PHTF2: variants seen among roughly 807,000 people sequenced by gnomAD.
PHTF2 encodes putative homeodomain transcription factor 2, also known as protein PHTF2.
Under a neutral mutation model 101.2 loss-of-function variants are expected in PHTF2, and 60 were observed. The observed-to-expected ratio is 0.59, with a 90% confidence interval of 0.48 to 0.73. The LOEUF (loss-of-function observed/expected upper bound fraction) is 0.73, where lower values mean the gene tolerates loss of function less well. Among genes scored for constraint, PHTF2 ranks in the 30% least tolerant of loss-of-function variants. The pLI, the probability that PHTF2 is intolerant of heterozygous loss-of-function variation, is 0.00. For missense variants in PHTF2, 747 were observed against 908.7 expected (o/e 0.82, Z 2.29); for synonymous variants, 311 against 307.3 (o/e 1.01, Z -0.13).
chr7:77,893,826 T>C (rs1341402100), intron 4 of PHTF2, among the ~76,000 whole-genome samples, 156 bp from the exon 4 acceptor site: 1 of 152,198 alleles, frequency 6.6e-6, no homozygotes, highest in Non-Finnish European at 1.5e-5. Context: ...TCACGTTTAC[T>C]CCTGATGTTG....
chr7:77,909,012 G>A (rs1050061728), intron 8 of PHTF2, 54 bp downstream of exon 7: 9 of 1,257,704 alleles, frequency 7.2e-6, no homozygotes, highest in Admixed American at 6.3e-5. Flanking sequence ...TTGAATCTAC[G>A]ATTGTTCTTG....
intron 12 of PHTF2, among the ~76,000 whole-genome samples, chr7:77,931,587 A>G (rs1804570501): frequency 1.3e-5 from 2 of 152,238 alleles, no homozygotes; most frequent in African/African-American, 4.8e-5. Flanking sequence ...TGTTGGCAAG[A>G]ATGTGAAGAG....
intron 1 of PHTF2, among the ~76,000 whole-genome samples, chr7:77,808,448 T>G (rs1793161502): frequency 6.6e-6 from 1 of 152,244 alleles, no homozygotes; most frequent in South Asian, 2.1e-4. Context: ...ATGAATTATA[T>G]TTTCCTGTTT....
intron 12 of PHTF2, among the ~76,000 whole-genome samples, chr7:77,933,530 G>A (rs1055153571): frequency 2.6e-5 from 4 of 152,174 alleles, no homozygotes; most frequent in Non-Finnish European, 5.9e-5. Context: ...TGTGGGAGTA[G>A]CGTCCTTGGG....
intron 3 of PHTF2, among the ~76,000 whole-genome samples, chr7:77,881,452 T>G (rs1389531838): frequency 6.6e-5 from 10 of 152,054 alleles, no homozygotes; most frequent in Admixed American, 6.5e-4. Flanking sequence ...CCAGATTTTG[T>G]ACCTTCCCAA....
intron 3 of PHTF2, among the ~76,000 whole-genome samples, chr7:77,892,866 T>C (rs755076786): frequency 6.6e-6 from 1 of 152,244 alleles, no homozygotes; most frequent in Non-Finnish European, 1.5e-5. Context: ...TTCACAACTT[T>C]GTTTTCCAAT....
At chr7:77,818,975 C>G (rs1021647000) in intron 1 of PHTF2, among the ~76,000 whole-genome samples, 2 of 151,968 alleles carry the variant, frequency 1.3e-5, no homozygotes, top group South Asian at 4.1e-4. Flanking sequence ...TAAATTTATT[C>G]CTAGGTATTC....
intron 2 of PHTF2, among the ~76,000 whole-genome samples, chr7:77,841,464 C>G (rs1273000741): frequency 6.6e-6 from 1 of 151,862 alleles, no homozygotes; most frequent in African/African-American, 2.4e-5. Context: ...AGAATATGGC[C>G]TTTTTAAAAA....
At chr7:77,902,378 T>C (rs902451597) in intron 7 of PHTF2, among the ~76,000 whole-genome samples, 7 of 152,186 alleles carry the variant, frequency 4.6e-5, no homozygotes, top group African/African-American at 1.7e-4. Context: ...CTCATTTCAT[T>C]CTCACATCAA....
At chr7:77,873,409 A>C (rs1798679369) in intron 3 of PHTF2, among the ~76,000 whole-genome samples, 1 of 152,242 alleles carries the variant, frequency 6.6e-6, no homozygotes, top group African/African-American at 2.4e-5. Context: ...AAACTCAAGC[A>C]GTTCTTTTTG....
At chr7:77,820,517 A>AATG (rs1222770509) in intron 1 of PHTF2, among the ~76,000 whole-genome samples, 1 of 151,734 alleles carries the variant, frequency 6.6e-6, no homozygotes, top group Non-Finnish European at 1.5e-5. Flanking sequence ...ATTCCCAGCT[A>AATG]ATGTGTGTGT....
chr7:77,827,643 C>T (rs1342681721), intron 1 of PHTF2, among the ~76,000 whole-genome samples: 6 of 150,918 alleles, frequency 4.0e-5, no homozygotes, highest in Admixed American at 2.6e-4. Context: ...TGAGCCACTG[C>T]GTGCAGCCTT....
intron 12 of PHTF2, among the ~76,000 whole-genome samples, chr7:77,931,761 G>T (rs1804591539): frequency 6.6e-6 from 1 of 152,142 alleles, no homozygotes; most frequent in Non-Finnish European, 1.5e-5. Flanking sequence ...GATAGTGAAA[G>T]TTGAAAATAT....
chr7:77,925,157 A>G (rs768727680), intron 11 of PHTF2, among the ~76,000 whole-genome samples: 21 of 152,196 alleles, frequency 1.4e-4, no homozygotes, highest in Non-Finnish European at 2.9e-4. Flanking sequence ...GAGTTAGATT[A>G]TTAAAATGAC....
At chr7:77,917,080 C>T (rs974724369) in intron 9 of PHTF2, among the ~76,000 whole-genome samples, 1 of 152,128 alleles carries the variant, frequency 6.6e-6, no homozygotes, top group African/African-American at 2.4e-5. Flanking sequence ...AGTCGGCATT[C>T]TGCTTTAAGG....
At chr7:77,889,997 A>T (rs1050838324) in intron 3 of PHTF2, among the ~76,000 whole-genome samples, 4 of 149,230 alleles carry the variant, frequency 2.7e-5, no homozygotes, top group African/African-American at 1.0e-4. Flanking sequence ...AATGAAATTT[A>T]TCTAGTTTAA....
intron 15 of PHTF2, among the ~76,000 whole-genome samples, chr7:77,941,283 T>A (rs1218288831): frequency 6.6e-6 from 1 of 152,208 alleles, no homozygotes; most frequent in Non-Finnish European, 1.5e-5. Context: ...TCTACTCTTA[T>A]ATTTAAAAAA....
chr7:77,932,629 T>A (rs866897810), intron 12 of PHTF2, among the ~76,000 whole-genome samples: 116 of 144,898 alleles, frequency 8.0e-4, no homozygotes, highest in African/African-American at 2.9e-3. Context: ...AGAGTGTGTG[T>A]GTGTGTGTGT....
rs373747648 is a variant in PHTF2 at position 77,951,166 on chromosome 7, G to C, written c.2116-451G>C. On this transcript the variant is annotated intron_variant, in intron 17 of 19. Coordinates refer to ENST00000416283, the Ensembl canonical transcript of PHTF2. The stretch of plus-strand genomic sequence containing the variant: ...TTCAAATAAATCATAAAACAACAAG[G>C]CATTGTGACTGCCTATAATCCCAAC... Among the ~76,000 whole-genome samples, 4 of 152,128 alleles carry C rather than the reference G, an allele frequency of 2.6e-5. No homozygotes were observed. In the South Asian group the frequency reaches 8.3e-4, roughly 32 times the overall value.
Sources: allele counts gnomAD v4.1 joint callset (sites outside exome capture counted in the v4.1 genomes callset), GRCh38; gene constraint gnomAD v4.1.1; transcripts MANE v1.5; gene names NCBI Gene and HGNC (gene_info 2026-07-23, HGNC 2026-07-21).